ELP4: variants seen among roughly 807,000 people sequenced by gnomAD.
The protein encoded by ELP4 is elongator acetyltransferase complex subunit 4.
ELP4 carries 51 observed loss-of-function variants against 48.9 expected under a neutral mutation model. The observed-to-expected ratio is 1.04, with a 90% CI of 0.83 to 1.32. ELP4 has a LOEUF of 1.32. ELP4 is among the 40% of genes most tolerant of loss of function. The probability of loss-of-function intolerance (pLI) is 0.00; values close to 1 mark genes in which losing one functional copy is unlikely to be tolerated. For missense variants in ELP4, 519 were observed against 514.6 expected (o/e 1.01, Z -0.08); for synonymous variants, 210 against 189.2 (o/e 1.11, Z -0.90).
chr11:31,524,390 A>G (rs956118168), intron 2 of ELP4, among the ~76,000 whole-genome samples: 4 of 152,234 alleles, frequency 2.6e-5, no homozygotes, highest in African/African-American at 9.6e-5. Context: ...TGCCCTCTCC[A>G]TAGGGCATCT....
chr11:31,604,059 A>T, intron 5 of ELP4, 152 bp downstream of exon 5: 1 of 577,464 alleles, frequency 1.7e-6, no homozygotes, highest in Non-Finnish European at 2.7e-6. Flanking sequence ...AAGTCTATGT[A>T]TTTTTCATAG....
rs546241289 is a variant in ELP4 at position 31,693,754 on chromosome 11, T to A, written c.1143+43533T>A. 5.3e-5 allele frequency among the ~76,000 whole-genome samples: 8 copies of A among 152,316 alleles called. 1 individual carries two copies. In the South Asian group the frequency reaches 1.7e-3, roughly 32 times the overall value. ...GTTGCCACACTGTCTTCCACAATGG[T>A]TGAACTAGTTTACAGTCCCACCAAC... On this transcript the variant is annotated intron_variant, in intron 9 of 9. Coordinates refer to ENST00000640961, the MANE Select transcript of ELP4 (RefSeq NM_019040.5).
chr11:31,643,796 A>G (rs569441553), intron 7 of ELP4, among the ~76,000 whole-genome samples: 16 of 151,918 alleles, frequency 1.1e-4, no homozygotes, highest in Non-Finnish European at 1.9e-4. Context: ...CTATGAAACC[A>G]AACAGAGAAC....
intron 3 of ELP4, 67 bp from the exon 4 acceptor site, chr11:31,594,702 AT>A: frequency 8.8e-7 from 1 of 1,134,438 alleles, no homozygotes; most frequent in Non-Finnish European, 1.2e-6. Flanking sequence ...TGTTGCTAAT[AT>A]TATGGTTTAA....
chr11:31,634,324 G>C lies in ELP4; in HGVS notation c.927+1919G>C, dbSNP rs371513845. 7.2e-5 allele frequency: 11 copies of C among 151,898 alleles called. No individual in the cohort carries two copies. The East Asian group carries it at 2.1e-3, about 29-fold the overall frequency. The allele number at this position is 151,898 out of a possible 1,614,324, so 9.4% of individuals were successfully genotyped here. On this transcript the variant is annotated intron_variant, in intron 7 of 9. Transcript: ENST00000640961. ...GTACATATAAAAGATTAAACAAAAA[G>C]TTCCATTCTAGACAAGAGAGAAAAA...
intron 9 of ELP4, among the ~76,000 whole-genome samples, chr11:31,777,698 G>C (rs1478625336): frequency 6.6e-6 from 1 of 152,190 alleles, no homozygotes; most frequent in Non-Finnish European, 1.5e-5. Context: ...TGCCTTCCTG[G>C]CCTCTTTCTT....
intron 4 of ELP4, among the ~76,000 whole-genome samples, chr11:31,597,977 A>G (rs1957704975): frequency 2.2e-5 from 2 of 91,070 alleles, no homozygotes; most frequent in Admixed American, 1.5e-4. Flanking sequence ...TTTTTTTGAG[A>G]TGGAGTCTTG....
chr11:31,701,095 C>G (rs1946513083), intron 9 of ELP4, among the ~76,000 whole-genome samples: 1 of 152,010 alleles, frequency 6.6e-6, no homozygotes, highest in Non-Finnish European at 1.5e-5. Context: ...TTTAATGTTT[C>G]AAATAGCCAA....
intron 9 of ELP4, among the ~76,000 whole-genome samples, chr11:31,708,096 G>A (rs541279267): frequency 1.3e-4 from 20 of 152,138 alleles, no homozygotes; most frequent in African/African-American, 4.3e-4. Flanking sequence ...AAATATCATC[G>A]TTCTCTTCTA....
In ELP4 at chr11:31,774,208, C is replaced by T. The variant is rs539623084; in HGVS notation, c.1144-9185C>T. ...TTTTAAAAAGACTTAACATTCTGGC[C>T]TCTCTACCCTTATCTCACTCTTTCG... is the stretch of plus-strand genomic sequence containing the variant. On this transcript the variant is annotated intron_variant, in intron 9 of 9. Coordinates refer to ENST00000640961, the MANE Select transcript of ELP4 (RefSeq NM_019040.5). Among the ~76,000 whole-genome samples, 4 of 152,286 alleles carry T rather than the reference C, an allele frequency of 2.6e-5. No homozygotes were observed. In the East Asian group the frequency reaches 5.8e-4, roughly 22 times the overall value.
At chr11:31,606,223 A>G (rs1446401925) in intron 5 of ELP4, among the ~76,000 whole-genome samples, 2 of 152,144 alleles carry the variant, frequency 1.3e-5, no homozygotes, top group African/African-American at 4.8e-5. Flanking sequence ...AACTTTAAAC[A>G]TGTAATTAAA....
chr11:31,734,008 A>T (rs965029171), intron 9 of ELP4, among the ~76,000 whole-genome samples: 1 of 152,236 alleles, frequency 6.6e-6, no homozygotes, highest in Admixed American at 6.5e-5. Flanking sequence ...ACAGTAAAAG[A>T]ATCATACATC....
At chr11:31,634,465 CAGAA>C (rs1005670832) in intron 7 of ELP4, among the ~76,000 whole-genome samples, 5 of 151,850 alleles carry the variant, frequency 3.3e-5, no homozygotes, top group South Asian at 2.1e-4. Context: ...TGTGAGAAAA[CAGAA>C]AGAAAGAAAA....
chr11:31,673,454 C>G (rs1214646141), intron 9 of ELP4, among the ~76,000 whole-genome samples: 4 of 152,156 alleles, frequency 2.6e-5, no homozygotes, highest in Admixed American at 2.0e-4. Flanking sequence ...GCCTCGTCCT[C>G]CCAAGTAACT....
rs372825142 is a variant in ELP4 at position 31,602,699 on chromosome 11, G to A, written c.514-1069G>A. Among the ~76,000 whole-genome samples the A allele has an allele frequency of 3.3e-5, 5 of 151,834 alleles. No homozygotes were observed. The East Asian group carries it at 5.8e-4, about 18-fold the overall frequency. On this transcript the variant is annotated intron_variant, in intron 4 of 9. Coordinates refer to ENST00000640961, the MANE Select transcript of ELP4 (RefSeq NM_019040.5). ...CTTAAATGCAAATATCTAGTGTCAA[G>A]CAAATATGTCTTTCTTATCTAAATT...
intron 3 of ELP4, among the ~76,000 whole-genome samples, chr11:31,581,854 A>G (rs1293118559): frequency 1.3e-5 from 2 of 151,754 alleles, no homozygotes; most frequent in Admixed American, 6.6e-5. Flanking sequence ...CCTGGCCTCA[A>G]GCAATGCTCC....
intron 5 of ELP4, among the ~76,000 whole-genome samples, chr11:31,612,266 T>C (rs1592158308): frequency 6.6e-6 from 1 of 152,226 alleles, no homozygotes; most frequent in Non-Finnish European, 1.5e-5. Context: ...TCTGAAGATA[T>C]GTACTGATGA....
intron 9 of ELP4, among the ~76,000 whole-genome samples, chr11:31,735,372 C>T (rs1947287827): frequency 6.6e-6 from 1 of 152,032 alleles, no homozygotes; most frequent in Non-Finnish European, 1.5e-5. Context: ...ACAAGTAGTA[C>T]TTTAAAAAAT....
At position 31,515,031 on chromosome 11, in the gene ELP4, G is replaced by GTATA. The variant is rs752573937; in HGVS notation, c.224-5024_224-5023insATAT. On this transcript the variant is annotated intron_variant, in intron 1 of 9. Transcript: ENST00000640961. ...TGTGTGTGTGTGTGTGTGTGTGTGT[G>GTATA]TGTATATATATATATATATATATAT... Among the ~76,000 whole-genome samples the GTATA allele has an allele frequency of 2.8e-3, 320 of 115,530 alleles. 1 individual carries two copies. The highest frequency in any genetic ancestry group is 5.6e-3 in the Admixed American group (64 of 11,374). The allele number at this position is 115,530 out of a possible 152,430, so 75.8% of individuals were successfully genotyped here. A position where few individuals can be genotyped will look rare whatever the true frequency, so the allele number is the denominator to read the frequency against.
Sources: gnomAD v4.1 joint callset for allele counts (sites outside exome capture counted in the v4.1 genomes callset) on GRCh38, gnomAD v4.1.1 for gene constraint, MANE v1.5 for transcripts, NCBI Gene and HGNC (gene_info 2026-07-23, HGNC 2026-07-21) for gene names.